Variants in PLA2G4C observed in about 807,000 individuals in gnomAD.
PLA2G4C encodes the protein cytosolic phospholipase A2 gamma.
PLA2G4C carries 64 observed loss-of-function variants against 73.8 expected under a neutral mutation model. That is an observed-to-expected ratio of 0.87 (90% CI 0.71 to 1.07). The LOEUF is 1.07. PLA2G4C is among the 50% of genes least tolerant of loss of function. The probability of loss-of-function intolerance (pLI) is 0.00; values close to 1 mark genes in which losing one functional copy is unlikely to be tolerated. For synonymous variants in PLA2G4C, 254 were observed against 252.1 expected, an observed-to-expected ratio of 1.01 and a Z score of -0.07; for missense variants, 622 against 665.4, an observed-to-expected ratio of 0.93 and a Z score of 0.72.
chr19:48,071,485 A>G (rs1968656351), intron 12 of PLA2G4C, among the ~76,000 whole-genome samples: 1 of 151,914 alleles, frequency 6.6e-6, no homozygotes, highest in African/African-American at 2.4e-5. Flanking sequence ...TTTAGTAGAG[A>G]CAGAGTTTGC....
rs4002927 is a variant in PLA2G4C at position 48,055,389 on chromosome 19, G to GTATA, written c.1258-344_1258-341dup. ...AGATGTTGGAGACCTCATCTCTACA[G>GTATA]TATATATATATATATATATATTTCA... On this transcript the variant is annotated intron_variant, in intron 14 of 16. Transcript: ENST00000599921. Among the ~76,000 whole-genome samples, 900 of 132,596 alleles carry GTATA rather than the reference G, an allele frequency of 6.8e-3. 18 individuals carry two copies. Among genetic ancestry groups the GTATA allele is most frequent in the East Asian group, 0.042 (203 of 4,860 alleles). The allele number at this position is 132,596 out of a possible 152,430, so 87.0% of individuals were successfully genotyped here.
At chr19:48,105,744 G>C (rs1255055793) in intron 2 of PLA2G4C, among the ~76,000 whole-genome samples, 1 of 148,364 alleles carries the variant, frequency 6.7e-6, no homozygotes, top group African/African-American at 2.6e-5. Flanking sequence ...TGGATCACTT[G>C]AGCCCAGGAG....
Position 48,105,430 on chromosome 19 carries a change from AT to A in PLA2G4C, c.22del (p.Ile8Ter), listed in dbSNP as rs1568456644. MGSSEVS[I>X]IPGLQKEEKA... ...TTCTTCTTTCTGGAGCCCAGGAATT[AT>A]GGAAACTTCAGAGCTTCCCAGGAGA... On this transcript the variant is annotated frameshift_variant, in exon 3 of 17. Transcript: ENST00000599921. LOFTEE classifies it high-confidence loss of function. The A allele has an allele frequency of 6.2e-7, 1 of 1,613,090 alleles. No individual in the cohort carries two copies. The highest frequency in any genetic ancestry group is 2.2e-5 in the East Asian group (1 of 44,862).
intron 12 of PLA2G4C, 169 bp from the exon 13 acceptor site, chr19:48,068,055 G>A (rs1568430338): frequency 6.6e-6 from 4 of 607,730 alleles, no homozygotes; most frequent in Admixed American, 2.7e-5. Context: ...AGTCATCCCA[G>A]CACTTTGGGA....
intron 1 of PLA2G4C, chr19:48,106,810 G>C (rs1350458921): frequency 3.7e-6 from 2 of 541,556 alleles, no homozygotes; most frequent in Non-Finnish European, 3.3e-6. Flanking sequence ...GTTTTTCCTC[G>C]CTCTTTCTCT....
chr19:48,075,092 G>T (rs2030048981), intron 11 of PLA2G4C, among the ~76,000 whole-genome samples: 1 of 151,722 alleles, frequency 6.6e-6, no homozygotes, highest in Non-Finnish European at 1.5e-5. Context: ...CTTCATCTCT[G>T]CCTCCACCTC....
At chr19:48,050,196 AGGTG>A (rs940970539) in intron 16 of PLA2G4C, among the ~76,000 whole-genome samples, 18 of 152,144 alleles carry the variant, frequency 1.2e-4, no homozygotes, top group African/African-American at 4.1e-4. Flanking sequence ...CTGGGATTAC[AGGTG>A]TGAACCACCA....
At chr19:48,091,502 G>A (rs1164407650) in intron 7 of PLA2G4C, among the ~76,000 whole-genome samples, 1 of 151,268 alleles carries the variant, frequency 6.6e-6, no homozygotes, top group African/African-American at 2.4e-5. Context: ...TTTTTCTTTT[G>A]TAAGAAAATT....
chr19:48,082,801 C>T (rs1409583678), intron 10 of PLA2G4C, among the ~76,000 whole-genome samples: 3 of 138,486 alleles, frequency 2.2e-5, no homozygotes, highest in African/African-American at 7.9e-5. Flanking sequence ...GCCCGGCTTG[C>T]TTTTTCTTTC....
At chr19:48,089,935 A>C (rs988631962) in intron 8 of PLA2G4C, among the ~76,000 whole-genome samples, 4 of 152,174 alleles carry the variant, frequency 2.6e-5, no homozygotes, top group African/African-American at 7.2e-5. Context: ...TCTGCCTCTT[A>C]GGGTATTAAA....
chr19:48,058,329 G>A (rs1010217687), intron 14 of PLA2G4C, among the ~76,000 whole-genome samples: 2 of 151,834 alleles, frequency 1.3e-5, no homozygotes, highest in African/African-American at 4.8e-5. Flanking sequence ...GTGGAGATGG[G>A]GTCTTGCTAT....
intron 10 of PLA2G4C, among the ~76,000 whole-genome samples, chr19:48,083,468 A>G (rs1265172239): frequency 2.9e-5 from 2 of 68,532 alleles, no homozygotes; most frequent in African/African-American, 1.2e-4. Flanking sequence ...TTTTTTTGAG[A>G]CTGTGTTTCA....
intron 4 of PLA2G4C, 57 bp from the exon 5 acceptor site, chr19:48,099,917 G>T: frequency 7.9e-7 from 1 of 1,261,562 alleles, no homozygotes. Context: ...GATGAAGACT[G>T]GGGAAAGATG....
chr19:48,048,780 T>C (rs143979135), intron 16 of PLA2G4C, among the ~76,000 whole-genome samples: 1,887 of 152,320 alleles, frequency 0.012, 19 homozygotes, highest in Non-Finnish European at 0.022. Context: ...GCTTTCCTTC[T>C]GTTCCTCGAA....
chr19:48,088,618 T>G, intron 9 of PLA2G4C, 68 bp downstream of exon 9: 2 of 1,067,078 alleles, frequency 1.9e-6, no homozygotes, highest in Non-Finnish European at 2.9e-6. Flanking sequence ...CCTAGGACAA[T>G]GGCTGGCCTC....
chr19:48,062,309 G>T, intron 13 of PLA2G4C, 157 bp from the exon 14 acceptor site: 1 of 596,606 alleles, frequency 1.7e-6, no homozygotes, highest in Non-Finnish European at 2.8e-6. Flanking sequence ...TCTCTTCCCA[G>T]ATTCATATGT....
chr19:48,106,363 G>T (rs1469014199), intron 2 of PLA2G4C, among the ~76,000 whole-genome samples, 159 bp downstream of exon 2: 1 of 152,158 alleles, frequency 6.6e-6, no homozygotes, highest in African/African-American at 2.4e-5. Flanking sequence ...AAAGTGCTGG[G>T]GTTACAGGCA....
chr19:48,104,290 G>A (rs868633185), intron 4 of PLA2G4C: 9 of 300,256 alleles, frequency 3.0e-5, no homozygotes, highest in African/African-American at 1.1e-4. Flanking sequence ...AACATGAGGC[G>A]GAAGCTGTGG....
chr19:48,050,673 C>CTTTTTTTTTTTTTTTTTTTTTT lies in PLA2G4C; in HGVS notation c.1581-2286_1581-2285insAAAAAAAAAAAAAAAAAAAAAA, dbSNP rs5828330. Among the ~76,000 whole-genome samples, 5 of 78,748 alleles carry CTTTTTTTTTTTTTTTTTTTTTT rather than the reference C, an allele frequency of 6.3e-5. 2 individuals carry two copies. The highest frequency in any genetic ancestry group is 7.1e-5 in the Non-Finnish European group (3 of 42,268). 51.7% of individuals were successfully genotyped at this position (78,748 alleles called of 152,430 possible). A position where few individuals can be genotyped will look rare whatever the true frequency, so the allele number is the denominator to read the frequency against. ...ATCCCTAGAGCCTGTGAGTATGTGACTTTTTTTTTTTTTTTTTTTGAGACA... is the reference window on the plus strand; with the variant it reads ...ATCCCTAGAGCCTGTGAGTATGTGACTTTTTTTTTTTTTTTTTTTTTTTTTTTTTTTTTTTTTTTTTGAGACA... On this transcript the variant is annotated intron_variant, in intron 16 of 16. Transcript: ENST00000599921.
Sources: gnomAD v4.1 joint callset for allele counts (sites outside exome capture counted in the v4.1 genomes callset) on GRCh38, gnomAD v4.1.1 for gene constraint, MANE v1.5 for transcripts, NCBI Gene and HGNC (gene_info 2026-07-23, HGNC 2026-07-21) for gene names.